The following MTCL2 variants were observed in gnomAD, a reference collection of about 807,000 sequenced individuals.
The protein encoded by MTCL2 is microtubule cross-linking factor 2.
At chr20:36,863,006 G>T in the MTCL2 span, 1 of 1,402,252 alleles carries the variant, frequency 7.1e-7, no homozygotes, top group Non-Finnish European at 9.3e-7. The surrounding 1 kb of genome is among the most constrained non-coding windows in gnomAD (Gnocchi z 6.2). Context: ...TGAGGCTGGG[G>T]GGCGGCGGTG....
At chr20:36,787,536 T>C in the MTCL2 span, among the ~76,000 whole-genome samples, 21 of 152,244 alleles carry the variant, frequency 1.4e-4, 1 homozygote, top group African/African-American at 5.1e-4. Flanking sequence ...ATTCACTTTT[T>C]ATGTACATCT....
chr20:36,846,561 A>C, the MTCL2 span, among the ~76,000 whole-genome samples: 10 of 152,316 alleles, frequency 6.6e-5, no homozygotes, highest in African/African-American at 1.9e-4. Flanking sequence ...AATCTGAAGA[A>C]GGTAGACGGC....
the MTCL2 span, among the ~76,000 whole-genome samples, chr20:36,840,926 A>G: frequency 6.6e-6 from 1 of 152,078 alleles, no homozygotes; most frequent in Non-Finnish European, 1.5e-5. Flanking sequence ...AGGGAGGGAC[A>G]ATGGGGTGGG....
the MTCL2 span, chr20:36,816,024 C>A: frequency 6.2e-7 from 1 of 1,613,716 alleles, no homozygotes; most frequent in Non-Finnish European, 8.5e-7. Context: ...AGCCCGCAGG[C>A]CTCGGTTCTC....
the MTCL2 span, among the ~76,000 whole-genome samples, chr20:36,800,829 C>G: frequency 1.3e-5 from 2 of 152,080 alleles, no homozygotes; most frequent in Non-Finnish European, 2.9e-5. Flanking sequence ...AAAGATAAAG[C>G]AAAAAGGGCC....
At chr20:36,847,624 A>T in the MTCL2 span, among the ~76,000 whole-genome samples, 2 of 152,108 alleles carry the variant, frequency 1.3e-5, no homozygotes, top group Admixed American at 6.6e-5. Context: ...GAGGCCAAAG[A>T]GGGAAGATCC....
the MTCL2 span, among the ~76,000 whole-genome samples, chr20:36,850,561 CAA>C: frequency 6.6e-6 from 1 of 151,916 alleles, no homozygotes; most frequent in African/African-American, 2.4e-5. Context: ...CCACCTCCAC[CAA>C]AAGCCTCCCT....
At chr20:36,797,523 C>T in the MTCL2 span, 5 of 1,555,264 alleles carry the variant, frequency 3.2e-6, no homozygotes, top group Non-Finnish European at 4.4e-6. Context: ...TGTTGTCCTG[C>T]TTCTCCAGCT....
At chr20:36,850,539 G>GA in the MTCL2 span, among the ~76,000 whole-genome samples, 62 of 144,126 alleles carry the variant, frequency 4.3e-4, no homozygotes, top group Admixed American at 1.2e-3. Flanking sequence ...AAAAAAAAAA[G>GA]AAAAAAAAAA....
the MTCL2 span, among the ~76,000 whole-genome samples, chr20:36,804,555 C>T: frequency 5.3e-5 from 8 of 152,196 alleles, no homozygotes; most frequent in African/African-American, 1.4e-4. Context: ...CATTCCCCAC[C>T]GTTTCTGATA....
the MTCL2 span, among the ~76,000 whole-genome samples, chr20:36,845,762 G>C: frequency 6.6e-6 from 1 of 152,190 alleles, no homozygotes; most frequent in Non-Finnish European, 1.5e-5. Context: ...AGAATGTTCT[G>C]GGGCTCTGTG....
the MTCL2 span, among the ~76,000 whole-genome samples, chr20:36,853,871 G>A: frequency 2.0e-5 from 3 of 152,194 alleles, no homozygotes. Flanking sequence ...GGCCTCTGGG[G>A]CATTCGTGTC....
chr20:36,815,614 G>C, the MTCL2 span: 1 of 1,598,812 alleles, frequency 6.3e-7, no homozygotes, highest in South Asian at 1.1e-5. The surrounding 1 kb of genome is among the most constrained non-coding windows in gnomAD (Gnocchi z 5.3). Context: ...CGCGTACTCT[G>C]GCAGGAGGCG....
chr20:36,790,940 GTAACGCAC>G, the MTCL2 span, among the ~76,000 whole-genome samples: 1 of 152,094 alleles, frequency 6.6e-6, no homozygotes, highest in Non-Finnish European at 1.5e-5. Flanking sequence ...GTATAGAAAA[GTAACGCAC>G]TCGCCACACA....
the MTCL2 span, chr20:36,817,587 G>A: frequency 3.4e-5 from 31 of 905,784 alleles, no homozygotes; most frequent in Non-Finnish European, 5.1e-5. Flanking sequence ...CAGTCCCCAG[G>A]CCACCCCACC....
chr20:36,822,589 A>T, the MTCL2 span, among the ~76,000 whole-genome samples: 1 of 152,126 alleles, frequency 6.6e-6, no homozygotes, highest in East Asian at 1.9e-4. Context: ...CTGCACTCAA[A>T]CACCTTCCTG....
At chr20:36,829,343 C>T in the MTCL2 span, 88 of 879,232 alleles carry the variant, frequency 1.0e-4, no homozygotes, top group East Asian at 7.6e-4. Context: ...ATCACTGCCA[C>T]GCTGCAGATG....
the MTCL2 span, among the ~76,000 whole-genome samples, chr20:36,849,843 G>C: frequency 6.6e-6 from 1 of 152,168 alleles, no homozygotes; most frequent in Non-Finnish European, 1.5e-5. Flanking sequence ...CAGCTGGTGA[G>C]CTGTGGGGCT....
chr20:36,848,419 C>T, the MTCL2 span, among the ~76,000 whole-genome samples: 70 of 152,354 alleles, frequency 4.6e-4, no homozygotes, highest in Middle Eastern at 3.4e-3. Context: ...CTCTTGGTCC[C>T]GGCTGGGCCG....
Sources: gnomAD v4.1 joint callset for allele counts (sites outside exome capture counted in the v4.1 genomes callset) on GRCh38, gnomAD v4.1.1 for gene constraint, Gnocchi (gnomAD v3.1) non-coding constraint, MANE v1.5 for transcripts, NCBI Gene and HGNC (gene_info 2026-07-23, HGNC 2026-07-21) for gene names.